The following HMCN1 variants were observed in gnomAD, a reference collection of about 807,000 sequenced individuals.
HMCN1 encodes the protein hemicentin 1, also known as hemicentin-1.
HMCN1 carries 321 observed loss-of-function variants against 625.9 expected under a neutral mutation model. The ratio of observed to expected loss-of-function variants is 0.51; its 90% CI spans 0.47 to 0.56. The LOEUF (loss-of-function observed/expected upper bound fraction) is 0.56, where lower values mean the gene tolerates loss of function less well. HMCN1 is among the 20% of genes least tolerant of loss of function. The probability of loss-of-function intolerance (pLI) is 0.00; values close to 1 mark genes in which losing one functional copy is unlikely to be tolerated. For missense variants in HMCN1, 6,588 were observed against 6,887.3 expected (o/e 0.96, Z 1.54); for synonymous variants, 2,425 against 2,417.6 (o/e 1.00, Z -0.09).
At chr1:186,013,126 C>T (rs925072630) in intron 30 of HMCN1, among the ~76,000 whole-genome samples, 4 of 151,950 alleles carry the variant, frequency 2.6e-5, no homozygotes, top group African/African-American at 9.7e-5. Context: ...ATGAGAATAC[C>T]GTATTTGGTT....
At position 186,001,831 on chromosome 1, in the gene HMCN1, G is replaced by T. The variant is rs536964823; in HGVS notation, c.4348+90G>T. 6 of 1,085,512 alleles carry T rather than the reference G, an allele frequency of 5.5e-6. No individual in the cohort carries two copies. In the East Asian group the frequency reaches 1.0e-4, roughly 18 times the overall value. 67.2% of individuals were successfully genotyped at this position (1,085,512 alleles called of 1,614,324 possible). ...CTATATGAAAAAGTAAAGAGAAAAA[G>T]ATAAATTGACAGAAAAACTATAGTT... On this transcript the variant is annotated intron_variant, in intron 28 of 106. Transcript: ENST00000271588.
chr1:185,861,131 T>G lies in HMCN1; in HGVS notation c.340-3339T>G, dbSNP rs114323526. Among the ~76,000 whole-genome samples the G allele has an allele frequency of 7.7e-4, 118 of 152,266 alleles. 1 individual carries two copies. Among genetic ancestry groups the G allele is most frequent in the South Asian group, 4.1e-4 (2 of 4,826 alleles). Reference sequence around the variant, plus strand: ...GTCTCTACAGTCTACTCCTGGGTAATGTTTCAGGATTCCTAGGGAAGTAGG... The same window carrying G: ...GTCTCTACAGTCTACTCCTGGGTAAGGTTTCAGGATTCCTAGGGAAGTAGG... On this transcript the variant is annotated intron_variant, in intron 2 of 106. Transcript: ENST00000271588.
intron 103 of HMCN1, among the ~76,000 whole-genome samples, chr1:186,175,335 T>C (rs974392898): frequency 6.6e-6 from 1 of 152,224 alleles, no homozygotes; most frequent in East Asian, 1.9e-4. Context: ...TTTTAAATAC[T>C]AGCTTCTGGG....
At position 185,888,032 on chromosome 1, in the gene HMCN1, T is replaced by A. The variant is rs897719730; in HGVS notation, c.622-21305T>A. 8.1e-4 allele frequency among the ~76,000 whole-genome samples: 115 copies of A among 141,236 alleles called. 1 individual carries two copies. Among genetic ancestry groups the A allele is most frequent in the African/African-American group, 3.1e-3 (113 of 35,930 alleles). The allele number at this position is 141,236 out of a possible 152,430, so 92.7% of individuals were successfully genotyped here. A position where few individuals can be genotyped will look rare whatever the true frequency, so the allele number is the denominator to read the frequency against. On this transcript the variant is annotated intron_variant, in intron 4 of 106. Transcript: ENST00000271588. The stretch of plus-strand genomic sequence containing the variant: ...GTGTGAGATGGTATCTCATTGTGGT[T>A]TTGATTTGCATTTCACTGATGGCCA...
chr1:186,180,656 G>A lies in HMCN1; in HGVS notation c.16295-1512G>A, dbSNP rs186912237. On this transcript the variant is annotated intron_variant, in intron 104 of 106. Transcript: ENST00000271588. ...AAACCAATGTTATGTTATCACAATC[G>A]TCTTCCTCAGACAGTCATCTGCTAT... 1.3e-4 allele frequency among the ~76,000 whole-genome samples: 20 copies of A among 152,096 alleles called. 1 individual carries two copies. Among genetic ancestry groups the A allele is most frequent in the African/African-American group, 3.1e-4 (13 of 41,508 alleles).
intron 1 of HMCN1, among the ~76,000 whole-genome samples, chr1:185,793,333 G>T (rs1467727730): frequency 6.6e-6 from 1 of 152,152 alleles, no homozygotes; most frequent in Non-Finnish European, 1.5e-5. Flanking sequence ...GATGTAACTT[G>T]CATTCCTTGG....
rs1165330647 is a variant in HMCN1 at position 185,880,683 on chromosome 1, C to T, written c.621+14820C>T. On this transcript the variant is annotated intron_variant, in intron 4 of 106. Transcript: ENST00000271588. Reference sequence around the variant, plus strand: ...AATATTTCTGCTGCCTACCAGAGTGCCAGGCATATAGTAGATTTCTAGATA... The same window carrying T: ...AATATTTCTGCTGCCTACCAGAGTGTCAGGCATATAGTAGATTTCTAGATA... Among the ~76,000 whole-genome samples, 3 of 152,216 alleles carry T rather than the reference C, an allele frequency of 2.0e-5. No individual in the cohort carries two copies. The East Asian group carries it at 5.8e-4, about 29-fold the overall frequency.
At chr1:185,982,440 T>TA in intron 18 of HMCN1, 51 bp downstream of exon 18, 10 of 1,522,288 alleles carry the variant, frequency 6.6e-6, no homozygotes, top group Non-Finnish European at 9.1e-6. Context: ...AGTTTTCTTT[T>TA]CTTTTTTTTT....
chr1:185,791,656 A>G (rs2102201435), intron 1 of HMCN1, among the ~76,000 whole-genome samples: 1 of 152,290 alleles, frequency 6.6e-6, no homozygotes, highest in East Asian at 1.9e-4. Flanking sequence ...CAGGAGGCAG[A>G]GGTTGCAGTG....
At chr1:186,185,929 T>C (rs1653270629) in intron 105 of HMCN1, among the ~76,000 whole-genome samples, 4 of 152,206 alleles carry the variant, frequency 2.6e-5, no homozygotes, top group Admixed American at 2.6e-4. Context: ...CCAATTGACT[T>C]AGACTTTGAA....
intron 45 of HMCN1, among the ~76,000 whole-genome samples, chr1:186,056,810 G>A (rs572832500): frequency 2.6e-5 from 4 of 151,924 alleles, no homozygotes; most frequent in South Asian, 4.1e-4. Context: ...TACCACCTAC[G>A]TGACAGGATC....
At chr1:186,178,111 A>G (rs1652711711) in intron 103 of HMCN1, among the ~76,000 whole-genome samples, 1 of 152,214 alleles carries the variant, frequency 6.6e-6, no homozygotes, top group African/African-American at 2.4e-5. Context: ...TCAAAGGGGT[A>G]TGAACTTACA....
intron 4 of HMCN1, among the ~76,000 whole-genome samples, chr1:185,891,165 T>C (rs1468115243): frequency 2.3e-5 from 3 of 128,176 alleles, no homozygotes; most frequent in Non-Finnish European, 1.5e-5. Context: ...ATTTGCTTGG[T>C]AGATCTTCCT....
At chr1:185,898,701 G>A (rs1009890105) in intron 4 of HMCN1, among the ~76,000 whole-genome samples, 3 of 152,104 alleles carry the variant, frequency 2.0e-5, no homozygotes, top group Non-Finnish European at 4.4e-5. Context: ...CACGGAGCCT[G>A]CTCTGGAGAG....
rs566941357 is a variant in HMCN1, at chr1:186,083,146, C to A, written c.8884+185C>A. ...GTAGGATTTATAAAGCATAAAACTT[C>A]CAGGAACACAGTTTTTATATTACTT... On this transcript the variant is annotated intron_variant, in intron 57 of 106. Coordinates refer to ENST00000271588, the MANE Select transcript of HMCN1 (RefSeq NM_031935.3). Among the ~76,000 whole-genome samples the A allele has an allele frequency of 3.3e-5, 5 of 152,174 alleles. No homozygotes were observed. The South Asian group carries it at 1.0e-3, about 32-fold the overall frequency.
intron 4 of HMCN1, among the ~76,000 whole-genome samples, chr1:185,873,356 T>G (rs944938241): frequency 9.2e-5 from 14 of 152,230 alleles, no homozygotes; most frequent in Admixed American, 4.6e-4. Context: ...TTGGTCTTTA[T>G]TTTTACTGGA....
intron 1 of HMCN1, among the ~76,000 whole-genome samples, chr1:185,814,628 T>C (rs1343801393): frequency 6.6e-6 from 1 of 150,740 alleles, no homozygotes; most frequent in Non-Finnish European, 1.5e-5. Context: ...TATTTATTGT[T>C]TCTTAGGAGG....
At chr1:185,837,691 A>T (rs1661253643) in intron 1 of HMCN1, among the ~76,000 whole-genome samples, 1 of 152,114 alleles carries the variant, frequency 6.6e-6, no homozygotes, top group Admixed American at 6.5e-5. Flanking sequence ...AAACTCTTAG[A>T]TTTTTCAGTA....
chr1:185,744,684 A>T (rs1373982387), intron 1 of HMCN1, among the ~76,000 whole-genome samples: 1 of 152,212 alleles, frequency 6.6e-6, no homozygotes, highest in Admixed American at 6.5e-5. Flanking sequence ...AGTGCACCTG[A>T]TCCTGAATTA....
Sources: gnomAD v4.1 joint callset for allele counts (sites outside exome capture counted in the v4.1 genomes callset) on GRCh38, gnomAD v4.1.1 for gene constraint, MANE v1.5 for transcripts, NCBI Gene and HGNC (gene_info 2026-07-23, HGNC 2026-07-21) for gene names.